The following MAGI2 variants were observed in gnomAD, a reference collection of about 807,000 sequenced individuals.
MAGI2 encodes membrane-associated guanylate kinase, WW and PDZ domain-containing protein 2.
MAGI2 carries 35 observed loss-of-function variants against 133.3 expected under a neutral mutation model. That is an observed-to-expected ratio of 0.26 (90% CI 0.20 to 0.35). The LOEUF (loss-of-function observed/expected upper bound fraction) is 0.35. MAGI2 is among the 10% of genes least tolerant of loss of function. The pLI, the probability that MAGI2 is intolerant of heterozygous loss-of-function variation, is 1.00. For missense variants in MAGI2, 1,636 were observed against 1,863.4 expected, an observed-to-expected ratio of 0.88 and a Z score of 2.25; for synonymous variants, 729 against 710.6, an observed-to-expected ratio of 1.03 and a Z score of -0.41.
chr7:79,278,218 C>A (rs972162656), intron 1 of MAGI2, among the ~76,000 whole-genome samples: 5 of 152,286 alleles, frequency 3.3e-5, no homozygotes, highest in Non-Finnish European at 7.4e-5. Context: ...CTTCTTGCTT[C>A]TGTTCTTGCC....
chr7:78,945,863 T>A (rs777003130), intron 2 of MAGI2, among the ~76,000 whole-genome samples: 5 of 152,184 alleles, frequency 3.3e-5, no homozygotes, highest in Non-Finnish European at 7.4e-5. Flanking sequence ...GACTTCATCT[T>A]CGGGATCTTC....
chr7:78,453,800 C>T (rs991053540), intron 6 of MAGI2, among the ~76,000 whole-genome samples: 3 of 149,580 alleles, frequency 2.0e-5, no homozygotes, highest in Admixed American at 1.3e-4. Flanking sequence ...CTTTAGTAAT[C>T]TGGAAACACA....
Position 78,814,614 on chromosome 7 carries a change from T to TTG in MAGI2, c.419-187377_419-187376dup, listed in dbSNP as rs148365585. ...AAATGAAATATACAATTTTATGTCT[T>TTG]TGTGTGTGTGTGTGTGCACAAACCC... On this transcript the variant is annotated intron_variant, in intron 2 of 21. Coordinates refer to ENST00000354212, the MANE Select transcript of MAGI2 (RefSeq NM_012301.4). Among the ~76,000 whole-genome samples, 836 of 151,856 alleles carry TTG rather than the reference T, an allele frequency of 5.5e-3. 6 individuals are homozygous for TTG. Among genetic ancestry groups the TTG allele is most frequent in the African/African-American group, 0.018 (762 of 41,468 alleles).
chr7:78,918,891 G>T (rs953273343), intron 2 of MAGI2, among the ~76,000 whole-genome samples: 1 of 152,054 alleles, frequency 6.6e-6, no homozygotes, highest in African/African-American at 2.4e-5. Context: ...ATAAAGAGAT[G>T]CCCAAAGTGC....
chr7:78,122,257 T>A (rs1168198152), intron 20 of MAGI2, among the ~76,000 whole-genome samples: 1 of 152,206 alleles, frequency 6.6e-6, no homozygotes, highest in Non-Finnish European at 1.5e-5. Context: ...ATGTTAGAAA[T>A]ATTCTTGTAA....
rs781190883 is a variant in MAGI2 at position 78,194,995 on chromosome 7, G to T, written c.2148C>A (p.Asn716Lys). ...TGTGAAGGGCAGGTGGGAAGGGCAG[G>T]TTCTGCGGTATGGCCGGAGCAGATA... ...TSLSAPAIPQ[N>K]LPFPPALHRS... is the part of the protein sequence containing the mutation. Residue 716 changes from asparagine to lysine, a missense_variant, in exon 12 of 22, where the codon AAC becomes AAA. Asn to Lys is a moderately conservative substitution (Grantham distance 94). Coordinates refer to ENST00000354212, the MANE Select transcript of MAGI2 (RefSeq NM_012301.4). 6.2e-6 allele frequency: 10 copies of T among 1,614,102 alleles called. No homozygotes were observed. Among genetic ancestry groups the T allele is most frequent in the South Asian group, 1.1e-5 (1 of 91,072 alleles).
intron 1 of MAGI2, among the ~76,000 whole-genome samples, chr7:79,135,974 A>G (rs1158638974): frequency 6.1e-5 from 2 of 32,718 alleles, no homozygotes; most frequent in Non-Finnish European, 3.0e-4. Flanking sequence ...AAAGAAAGAA[A>G]GAAAGAAAGA....
chr7:78,252,037 G>A (rs1306434387), intron 10 of MAGI2: 2 of 151,312 alleles, frequency 1.3e-5, no homozygotes, highest in African/African-American at 4.9e-5. Context: ...TACTGGAGAA[G>A]CTGAGGTGAA....
chr7:78,337,891 A>ACTATCCATCCAT (rs1554351250), intron 9 of MAGI2, among the ~76,000 whole-genome samples: 1 of 149,986 alleles, frequency 6.7e-6, no homozygotes, highest in Non-Finnish European at 1.5e-5. Flanking sequence ...CCATCCAATC[A>ACTATCCATCCAT]CCATCCATCC....
intron 10 of MAGI2, among the ~76,000 whole-genome samples, chr7:78,243,224 T>TACACACACAC (rs539437959): frequency 7.1e-6 from 1 of 140,720 alleles, no homozygotes; most frequent in Admixed American, 7.1e-5. Context: ...ATGGTTCAGA[T>TACACACACAC]ACACACACAC....
chr7:78,883,493 A>G (rs1121066), intron 2 of MAGI2, among the ~76,000 whole-genome samples: 78,663 of 151,982 alleles, frequency 0.52, 21,008 homozygotes, highest in Middle Eastern at 0.59. Flanking sequence ...TACCAATGCC[A>G]TTTTTTACAA....
At chr7:79,127,227 T>C (rs1168244548) in intron 1 of MAGI2, among the ~76,000 whole-genome samples, 1 of 152,192 alleles carries the variant, frequency 6.6e-6, no homozygotes, top group East Asian at 1.9e-4. Flanking sequence ...CATTTTCAAG[T>C]CTTTGCTATT....
intron 1 of MAGI2, among the ~76,000 whole-genome samples, chr7:79,350,556 C>T (rs1271143887): frequency 6.6e-6 from 1 of 151,940 alleles, no homozygotes. Flanking sequence ...CCTTATAGTT[C>T]TGTTTTAATT....
At chr7:78,378,425 C>G (rs757177909) in intron 6 of MAGI2, among the ~76,000 whole-genome samples, 3 of 151,842 alleles carry the variant, frequency 2.0e-5, no homozygotes, top group Non-Finnish European at 4.4e-5. Flanking sequence ...AAAAATTGTC[C>G]CCAGTCAATT....
intron 10 of MAGI2, chr7:78,254,832 C>T (rs1404867233): frequency 1.3e-5 from 2 of 152,208 alleles, no homozygotes; most frequent in African/African-American, 4.8e-5. Flanking sequence ...TGCATGAGTT[C>T]CTCATTGTCC....
At chr7:78,289,136 T>A (rs1468650292) in intron 9 of MAGI2, among the ~76,000 whole-genome samples, 1 of 152,238 alleles carries the variant, frequency 6.6e-6, no homozygotes, top group East Asian at 1.9e-4. Context: ...AGGCTTCAGA[T>A]GATCGGTAAT....
At chr7:78,465,590 A>G (rs951248133) in intron 6 of MAGI2, among the ~76,000 whole-genome samples, 15 of 152,190 alleles carry the variant, frequency 9.9e-5, no homozygotes, top group Admixed American at 4.6e-4. Context: ...ATTTTGCCCA[A>G]AACTAGCAAA....
At chr7:78,860,570 A>G (rs1794073395) in intron 2 of MAGI2, among the ~76,000 whole-genome samples, 1 of 152,156 alleles carries the variant, frequency 6.6e-6, no homozygotes. Flanking sequence ...AATATTGCAG[A>G]ACGGCAGATG....
intron 2 of MAGI2, among the ~76,000 whole-genome samples, chr7:78,849,635 C>A (rs576023706): frequency 1.3e-4 from 20 of 152,084 alleles, no homozygotes; most frequent in Middle Eastern, 3.4e-3. Flanking sequence ...TGCTGCTGTG[C>A]AAGAGATAAG....
Sources: allele counts gnomAD v4.1 joint callset (sites outside exome capture counted in the v4.1 genomes callset), GRCh38; gene constraint gnomAD v4.1.1; transcripts MANE v1.5; gene names NCBI Gene and HGNC (gene_info 2026-07-23, HGNC 2026-07-21).